Variants in ADGRL3 observed in about 807,000 individuals in gnomAD.
ADGRL3 encodes the protein adhesion G protein-coupled receptor L3.
A neutral mutation model predicts 153.5 loss-of-function variants in ADGRL3; 62 were observed. The observed-to-expected ratio is 0.40, with a 90% confidence interval of 0.33 to 0.50. The LOEUF (loss-of-function observed/expected upper bound fraction) is 0.50, where lower values mean the gene tolerates loss of function less well. ADGRL3 is among the 20% of genes least tolerant of loss of function. The probability of loss-of-function intolerance (pLI) is 0.47; values close to 1 mark genes in which losing one functional copy is unlikely to be tolerated. For missense variants in ADGRL3, 1,641 were observed against 1,859.4 expected (o/e 0.88, Z 2.16); for synonymous variants, 710 against 672.5 (o/e 1.06, Z -0.86).
chr4:61,243,783 G>A (rs57800374), intron 1 of ADGRL3, among the ~76,000 whole-genome samples: 35,668 of 151,720 alleles, frequency 0.24, 4,444 homozygotes, highest in African/African-American at 0.32. Context: ...AAAAGATATT[G>A]TGTTTGATTT....
At chr4:61,718,336 T>C (rs1168531932) in intron 6 of ADGRL3, among the ~76,000 whole-genome samples, 1 of 152,170 alleles carries the variant, frequency 6.6e-6, no homozygotes, top group Non-Finnish European at 1.5e-5. Flanking sequence ...CCCTTGGATT[T>C]ATTTAATAAA....
chr4:61,287,079 G>T (rs1300157149), intron 1 of ADGRL3, among the ~76,000 whole-genome samples: 1 of 151,598 alleles, frequency 6.6e-6, no homozygotes, highest in Admixed American at 6.6e-5. Flanking sequence ...TCATAGTAGG[G>T]ATTTTCAATA....
intron 2 of ADGRL3, among the ~76,000 whole-genome samples, chr4:61,453,420 T>C (rs2097697971): frequency 6.6e-6 from 1 of 152,178 alleles, no homozygotes; most frequent in South Asian, 2.1e-4. Flanking sequence ...GATTGATTCC[T>C]AGGGGTAACG....
intron 13 of ADGRL3, among the ~76,000 whole-genome samples, chr4:61,917,878 A>G (rs1452979851): frequency 6.6e-6 from 1 of 152,180 alleles, no homozygotes; most frequent in Non-Finnish European, 1.5e-5. Context: ...AGTGAAAAAG[A>G]GGATCACAGG....
chr4:61,757,049 G>A (rs58204387), intron 8 of ADGRL3, among the ~76,000 whole-genome samples: 13,748 of 152,012 alleles, frequency 0.09, 1,334 homozygotes, highest in African/African-American at 0.25. Flanking sequence ...TTTTTGCGTC[G>A]ATGTTCATCA....
At chr4:61,988,270 T>G (rs1254433592) in intron 19 of ADGRL3, among the ~76,000 whole-genome samples, 3 of 152,200 alleles carry the variant, frequency 2.0e-5, no homozygotes, top group Non-Finnish European at 4.4e-5. Flanking sequence ...AGAATGTACT[T>G]AGAACTAACA....
intron 1 of ADGRL3, among the ~76,000 whole-genome samples, chr4:61,218,480 T>A (rs1252865224): frequency 1.3e-5 from 2 of 151,720 alleles, no homozygotes; most frequent in African/African-American, 4.8e-5. Context: ...CAGCTACTTT[T>A]TTTTTATTTT....
At chr4:61,743,066 A>T (rs2096602156) in intron 8 of ADGRL3, among the ~76,000 whole-genome samples, 2 of 151,908 alleles carry the variant, frequency 1.3e-5, no homozygotes, top group South Asian at 4.2e-4. Flanking sequence ...CATGCCTGTA[A>T]TTCCAGCACT....
At chr4:61,279,323 T>C (rs1454090993) in intron 1 of ADGRL3, among the ~76,000 whole-genome samples, 1 of 152,144 alleles carries the variant, frequency 6.6e-6, no homozygotes, top group African/African-American at 2.4e-5. Flanking sequence ...AGGTGAATAG[T>C]TTCCCTGAAT....
rs542172153 is a variant in ADGRL3 at position 62,023,113 on chromosome 4, A to G, written c.3396-5742A>G. Among the ~76,000 whole-genome samples, 3 of 152,268 alleles carry G rather than the reference A, an allele frequency of 2.0e-5. No individual in the cohort carries two copies. The East Asian group carries it at 5.8e-4, about 29-fold the overall frequency. ...ACATTTGTGATTCATGGGAGGAGTA[A>G]AAATGTTAACATCAATAGGATTTTG... On this transcript the variant is annotated intron_variant, in intron 21 of 26. Coordinates refer to ENST00000683033, the MANE Select transcript of ADGRL3 (RefSeq NM_001387552.1).
intron 1 of ADGRL3, among the ~76,000 whole-genome samples, chr4:61,309,055 T>C (rs2094905760): frequency 6.6e-6 from 1 of 152,202 alleles, no homozygotes; most frequent in Non-Finnish European, 1.5e-5. Flanking sequence ...CATTATATGA[T>C]TTTAAGGTAA....
chr4:61,892,668 C>T lies in ADGRL3; in HGVS notation c.1493C>T (p.Thr498Ile), dbSNP rs763166361. Residue 498 changes from threonine (T) to isoleucine (I), a missense_variant, in exon 10 of 27, where the codon ACA becomes ATA. By Grantham distance (89) the Thr-to-Ile change is moderately conservative (BLOSUM62 -1). This residue lies in a region of ADGRL3 where 734 missense variants were observed against 797.0 expected (regional missense o/e 0.92). Coordinates refer to ENST00000683033, the MANE Select transcript of ADGRL3 (RefSeq NM_001387552.1). Reference protein sequence around the residue: ...ERPSVKDISTTGPLGMGSTTT... With the variant: ...ERPSVKDISTIGPLGMGSTTT... ...AATTTTATTTCAGATATCTCTACCA[C>T]AGGACCTCTTGGCATGGGAAGCACT... 2 of 1,613,768 alleles carry T rather than the reference C, an allele frequency of 1.2e-6. No individual in the cohort carries two copies. The highest frequency in any genetic ancestry group is 1.7e-4 in the Middle Eastern group (1 of 6,060).
chr4:61,566,894 CTT>C (rs2098818560), intron 4 of ADGRL3, among the ~76,000 whole-genome samples: 1 of 152,100 alleles, frequency 6.6e-6, no homozygotes, highest in Non-Finnish European at 1.5e-5. Context: ...AACATCCTAA[CTT>C]ATATAACGTA....
At chr4:61,968,010 G>A (rs189988303) in intron 17 of ADGRL3, among the ~76,000 whole-genome samples, 51 of 152,258 alleles carry the variant, frequency 3.3e-4, no homozygotes, top group Admixed American at 3.9e-4. Context: ...AGAGAAGGCC[G>A]AACTTGCCCA....
At chr4:61,418,025 G>T (rs1013515859) in intron 2 of ADGRL3, among the ~76,000 whole-genome samples, 4 of 152,138 alleles carry the variant, frequency 2.6e-5, no homozygotes, top group East Asian at 3.9e-4. Flanking sequence ...TGGCTGCAAA[G>T]AACTCTTTTT....
chr4:62,057,371 G>C (rs1291967709), intron 25 of ADGRL3, among the ~76,000 whole-genome samples: 1 of 152,106 alleles, frequency 6.6e-6, no homozygotes, highest in Non-Finnish European at 1.5e-5. Context: ...CATTAGAGAA[G>C]GGTGTGACTC....
rs1746232161 is a variant in ADGRL3 at position 62,073,352 on chromosome 4, G to A, written c.*2444G>A. 6.6e-6 allele frequency: 1 copy of A among 151,994 alleles called. No individual in the cohort carries two copies. The highest frequency in any genetic ancestry group is 2.1e-4 in the South Asian group (1 of 4,824). The allele number at this position is 151,994 out of a possible 1,614,324, so 9.4% of individuals were successfully genotyped here. ...ATTTTATGTTAGAGGAGAATCACAA[G>A]CGTTAATGATAATTAGGTTTTCTCA... On this transcript the variant is annotated 3_prime_UTR_variant, in exon 27 of 27. Transcript: ENST00000683033.
In ADGRL3 at chr4:61,551,739, G is replaced by T. The variant is rs542912231; in HGVS notation, c.259+34221G>T. Among the ~76,000 whole-genome samples the T allele has an allele frequency of 7.2e-5, 11 of 152,170 alleles. No homozygotes were observed. The South Asian group carries it at 1.4e-3, about 20-fold the overall frequency. ...ATAGTCACAACTGAATTTCTGCAAG[G>T]AATCACAGAGCTGGACAATACTGAG... On this transcript the variant is annotated intron_variant, in intron 4 of 26. Coordinates refer to ENST00000683033, the MANE Select transcript of ADGRL3 (RefSeq NM_001387552.1).
chr4:61,986,368 A>G (rs974587415), intron 19 of ADGRL3, among the ~76,000 whole-genome samples: 1 of 151,926 alleles, frequency 6.6e-6, no homozygotes, highest in African/African-American at 2.4e-5. Context: ...AACTCATTCA[A>G]TTTGTTTTGT....
Sources: allele counts gnomAD v4.1 joint callset (sites outside exome capture counted in the v4.1 genomes callset), GRCh38; gene constraint gnomAD v4.1.1; regional missense constraint gnomAD v4.1.1; transcripts MANE v1.5; gene names NCBI Gene and HGNC (gene_info 2026-07-23, HGNC 2026-07-21).